Variants in ARV1 observed in about 807,000 individuals in gnomAD.
The protein encoded by ARV1 is ARV1 fatty acid homeostasis modulator.
ARV1 carries 26 observed loss-of-function variants against 31.1 expected under a neutral mutation model. The observed-to-expected ratio is 0.84, with a 90% CI of 0.61 to 1.16. The LOEUF is 1.16. ARV1 is among the 50% of genes most tolerant of loss of function. The probability of loss-of-function intolerance (pLI) is 0.00; values close to 1 mark genes in which losing one functional copy is unlikely to be tolerated. For synonymous variants in ARV1, 117 were observed against 123.2 expected, an observed-to-expected ratio of 0.95 and a Z score of 0.34; for missense variants, 281 against 324.9, an observed-to-expected ratio of 0.86 and a Z score of 1.04.
intron 2 of ARV1, among the ~76,000 whole-genome samples, 171 bp downstream of exon 2, chr1:230,988,610 G>A (rs764321930): frequency 1.1e-4 from 16 of 152,176 alleles, no homozygotes; most frequent in Non-Finnish European, 1.8e-4. Context: ...AATAATAGAT[G>A]TTGATTTTGA....
Position 230,988,310 on chromosome 1 carries a change from A to C in ARV1, c.175-10A>C, listed in dbSNP as rs763598898. 7 of 1,582,798 alleles carry C rather than the reference A, an allele frequency of 4.4e-6. No homozygotes were observed. The highest frequency in any genetic ancestry group is 6.0e-6 in the Non-Finnish European group (7 of 1,157,860). On this transcript the variant is annotated splice_polypyrimidine_tract_variant and intron_variant, in intron 1 of 5. Transcript: ENST00000310256. ...TTTGCTTGTTCTAATATTATCTTGT[A>C]TTATTTCAGAAATCCTGCCAGAAAC...
chr1:230,983,962 C>T (rs141226140), intron 1 of ARV1, among the ~76,000 whole-genome samples: 27 of 152,310 alleles, frequency 1.8e-4, no homozygotes, highest in East Asian at 5.8e-4. Context: ...TCTGGGCAGG[C>T]GTGATGATTC....
At chr1:230,988,189 G>A (rs1434358179) in intron 1 of ARV1, 131 bp from the exon 2 acceptor site, 1 of 712,062 alleles carries the variant, frequency 1.4e-6, no homozygotes, top group Non-Finnish European at 2.3e-6. Context: ...CTGAATGGAA[G>A]TTTATATAAA....
intron 5 of ARV1, chr1:230,999,780 G>A (rs1679472322): frequency 1.3e-5 from 2 of 152,138 alleles, no homozygotes; most frequent in Non-Finnish European, 2.9e-5. Context: ...ACGTGCCCAA[G>A]AACTTCTGAC....
At chr1:230,990,580 G>A (rs773579276) in intron 3 of ARV1, 4 of 274,916 alleles carry the variant, frequency 1.5e-5, no homozygotes, top group Non-Finnish European at 7.0e-6. Flanking sequence ...TTTAAGACAG[G>A]GTCTCACTCT....
intron 5 of ARV1, among the ~76,000 whole-genome samples, chr1:230,999,070 G>T (rs973807273): frequency 6.6e-6 from 1 of 152,220 alleles, no homozygotes; most frequent in African/African-American, 2.4e-5. Context: ...CTTTGCCTGT[G>T]CCAGGATTCT....
chr1:230,995,747 A>G lies in ARV1; in HGVS notation c.449-13A>G. 1 of 1,597,626 alleles carries G rather than the reference A, an allele frequency of 6.3e-7. No individual in the cohort carries two copies. The highest frequency in any genetic ancestry group is 8.6e-7 in the Non-Finnish European group (1 of 1,168,106). On this transcript the variant is annotated splice_polypyrimidine_tract_variant and intron_variant, in intron 3 of 5. Transcript: ENST00000310256. Reference sequence around the variant, plus strand: ...GGGGACATTCATACTTTTATTTTCCATTTCTTCTTTAGAACAAACTGCCTA... The same window carrying G: ...GGGGACATTCATACTTTTATTTTCCGTTTCTTCTTTAGAACAAACTGCCTA...
At chr1:230,988,674 G>A (rs887887548) in intron 2 of ARV1, among the ~76,000 whole-genome samples, 2 of 152,256 alleles carry the variant, frequency 1.3e-5, no homozygotes, top group East Asian at 3.9e-4. Flanking sequence ...GCAGGAAACT[G>A]ACAAGCCATG....
In ARV1 at chr1:230,997,043, A is replaced by T. The variant is rs1428389577; in HGVS notation, c.674-78A>T. 4 of 1,527,086 alleles carry T rather than the reference A, an allele frequency of 2.6e-6. No individual in the cohort carries two copies. The African/African-American group carries it at 5.5e-5, about 21-fold the overall frequency. The allele number at this position is 1,527,086 out of a possible 1,614,324, so 94.6% of individuals were successfully genotyped here. A position where few individuals can be genotyped will look rare whatever the true frequency, so the allele number is the denominator to read the frequency against. On this transcript the variant is annotated intron_variant, in intron 4 of 5. Transcript: ENST00000310256. Reference sequence around the variant, plus strand: ...TTTTCCAAAAACAGCTTTACAAAACAATTCATACTACCCGAAAATTTACAT... The same window carrying T: ...TTTTCCAAAAACAGCTTTACAAAACTATTCATACTACCCGAAAATTTACAT...
intron 1 of ARV1, among the ~76,000 whole-genome samples, chr1:230,980,170 C>G (rs1037086867): frequency 3.3e-5 from 5 of 152,174 alleles, no homozygotes; most frequent in African/African-American, 1.2e-4. Context: ...CTCTCAAGTA[C>G]TTTCCCTCTT....
At chr1:230,990,405 T>A in intron 3 of ARV1, 142 bp downstream of exon 3, 2 of 1,076,634 alleles carry the variant, frequency 1.9e-6, no homozygotes, top group Non-Finnish European at 1.3e-6. Flanking sequence ...GCTCTACCAC[T>A]ACTAACCTAC....
intron 1 of ARV1, among the ~76,000 whole-genome samples, chr1:230,984,930 T>C (rs1203966338): frequency 6.6e-6 from 1 of 152,204 alleles, no homozygotes; most frequent in Non-Finnish European, 1.5e-5. Flanking sequence ...TTGGGCTTTT[T>C]TGAAATGCTG....
intron 1 of ARV1, among the ~76,000 whole-genome samples, chr1:230,982,241 G>A (rs1270262179): frequency 1.3e-5 from 2 of 152,202 alleles, no homozygotes; most frequent in African/African-American, 4.8e-5. Flanking sequence ...CAGGTAGGAG[G>A]AAGAGAACAA....
intron 1 of ARV1, among the ~76,000 whole-genome samples, chr1:230,983,941 T>C (rs894151432): frequency 1.3e-5 from 2 of 152,220 alleles, no homozygotes; most frequent in Non-Finnish European, 2.9e-5. Context: ...ATAGGAAACA[T>C]AGTTGCTAAA....
At chr1:230,985,042 C>T (rs34259727) in intron 1 of ARV1, among the ~76,000 whole-genome samples, 49,834 of 151,816 alleles carry the variant, frequency 0.33, 8,415 homozygotes, top group Middle Eastern at 0.57. Flanking sequence ...TCCGGCCTTC[C>T]CAGCTAGAGA....
intron 1 of ARV1, among the ~76,000 whole-genome samples, chr1:230,985,920 A>ATT (rs1679052709): frequency 1.7e-5 from 2 of 119,916 alleles, no homozygotes; most frequent in Non-Finnish European, 3.6e-5. Context: ...GATTAAGCAG[A>ATT]ATTTTTTTTT....
intron 3 of ARV1, among the ~76,000 whole-genome samples, chr1:230,994,735 G>C (rs546511833): frequency 2.6e-5 from 4 of 151,942 alleles, no homozygotes; most frequent in Non-Finnish European, 5.9e-5. Flanking sequence ...TAGTAGAGAC[G>C]GGGTTTCACC....
At chr1:230,984,359 T>TGTGTGTGCGCGCGC (rs71179756) in intron 1 of ARV1, among the ~76,000 whole-genome samples, 1 of 93,450 alleles carries the variant, frequency 1.1e-5, no homozygotes, top group Non-Finnish European at 2.2e-5. Flanking sequence ...TGTGTGTGTG[T>TGTGTGTGCGCGCGC]GTGCGTGTGT....
intron 3 of ARV1, among the ~76,000 whole-genome samples, chr1:230,991,372 A>G (rs1232150751): frequency 6.6e-6 from 1 of 151,940 alleles, no homozygotes; most frequent in African/African-American, 2.4e-5. Flanking sequence ...GTCCATCTAG[A>G]CCTTTCTCCA....
Sources: gnomAD v4.1 joint callset for allele counts (sites outside exome capture counted in the v4.1 genomes callset) on GRCh38, gnomAD v4.1.1 for gene constraint, MANE v1.5 for transcripts, NCBI Gene and HGNC (gene_info 2026-07-23, HGNC 2026-07-21) for gene names.